ACCSL: variants seen among roughly 807,000 people sequenced by gnomAD.
ACCSL encodes probable inactive 1-aminocyclopropane-1-carboxylate synthase-like protein 2.
In ACCSL, 55 loss-of-function variants were observed where a neutral mutation model predicts 61.7. The observed-to-expected ratio is 0.89, with a 90% CI of 0.72 to 1.12. The LOEUF is 1.12. Among genes scored for constraint, ACCSL ranks in the 50% most tolerant of loss-of-function variants. The pLI is 0.00. For missense variants in ACCSL, 632 were observed against 698.0 expected, an observed-to-expected ratio of 0.91 and a Z score of 1.07; for synonymous variants, 258 against 264.3, an observed-to-expected ratio of 0.98 and a Z score of 0.23.
the ACCSL span, among the ~76,000 whole-genome samples, chr11:43,923,958 T>G: frequency 6.6e-6 from 1 of 152,164 alleles, no homozygotes; most frequent in East Asian, 1.9e-4. Flanking sequence ...GATGTCACGC[T>G]CTCTCAGCAC....
In ACCSL at chr11:44,048,086, G is replaced by A. The variant is rs766885931; in HGVS notation, c.50G>A (p.Gly17Asp). The change falls in exon 1 of 14, where the codon GGC (glycine) becomes GAC (aspartate). Residue 17 changes from glycine (G) to aspartate (D), a missense_variant. By Grantham distance (94) the Gly-to-Asp change is moderately conservative (BLOSUM62 -1). Coordinates refer to ENST00000378832, the MANE Select transcript of ACCSL (RefSeq NM_001031854.2). ...CCTGTGCCCTCTGGTCAGAGGAGAGGCCGGGTCCCCAGAGACCACAGCATC... is the reference window on the plus strand; with the variant it reads ...CCTGTGCCCTCTGGTCAGAGGAGAGACCGGGTCCCCAGAGACCACAGCATC... ...TLPVPSGQRR[G>D]RVPRDHSIYT... The A allele has an allele frequency of 1.2e-6, 2 of 1,614,034 alleles. No homozygotes were observed. The highest frequency in any genetic ancestry group is 1.7e-6 in the Non-Finnish European group (2 of 1,180,014).
At chr11:44,057,266 G>A (rs2134776573) in intron 11 of ACCSL, among the ~76,000 whole-genome samples, 1 of 152,320 alleles carries the variant, frequency 6.6e-6, no homozygotes, top group Middle Eastern at 3.4e-3. Flanking sequence ...ATACCAAGCT[G>A]AAAGTTTTAA....
At chr11:43,994,501 G>C in the ACCSL span, among the ~76,000 whole-genome samples, 1 of 151,672 alleles carries the variant, frequency 6.6e-6, no homozygotes, top group Non-Finnish European at 1.5e-5. Context: ...ATTTTAGTTA[G>C]AGCATTGTGT....
At position 44,059,970 on chromosome 11, in the gene ACCSL, C is replaced by T; in HGVS notation, c.*50C>T. On this transcript the variant is annotated 3_prime_UTR_variant, in exon 14 of 14. Coordinates refer to ENST00000378832, the MANE Select transcript of ACCSL (RefSeq NM_001031854.2). Reference sequence around the variant, plus strand: ...TCCAGCCCATCACTTGCTCAGGGACCCCCTAATGTCAGCCTCTGGCCCAGA... The same window carrying T: ...TCCAGCCCATCACTTGCTCAGGGACTCCCTAATGTCAGCCTCTGGCCCAGA... The T allele has an allele frequency of 6.4e-7, 1 of 1,552,662 alleles. No homozygotes were observed. Among genetic ancestry groups the T allele is most frequent in the Non-Finnish European group, 8.9e-7 (1 of 1,127,116 alleles).
intron 3 of ACCSL, among the ~76,000 whole-genome samples, chr11:44,051,003 A>T (rs1334745116): frequency 6.6e-6 from 1 of 151,730 alleles, no homozygotes; most frequent in Non-Finnish European, 1.5e-5. Context: ...CACCACGCCC[A>T]GCTAATTTTT....
chr11:44,019,396 G>A, the ACCSL span, among the ~76,000 whole-genome samples: 2 of 152,332 alleles, frequency 1.3e-5, no homozygotes, highest in South Asian at 2.1e-4. Flanking sequence ...CCAACCAGCA[G>A]CGTATGAAGG....
rs773288959 is a variant in ACCSL, at chr11:44,052,772, C to T, written c.870+13C>T. 2.5e-6 allele frequency: 4 copies of T among 1,609,152 alleles called. No homozygotes were observed. In the African/African-American group the frequency reaches 4.0e-5, roughly 16 times the overall value. ...CCTGGAGAGTGAGGTCTGAATGGGG[C>T]CCCTTCCCTGCTCAGTATGCCTAGA... On this transcript the variant is annotated intron_variant, in intron 6 of 13. Transcript: ENST00000378832.
chr11:44,033,943 C>T, the ACCSL span, among the ~76,000 whole-genome samples: 34,288 of 151,260 alleles, frequency 0.23, 4,120 homozygotes, highest in East Asian at 0.39. Flanking sequence ...GATGCAGGAG[C>T]CCGAGAAAGA....
chr11:43,969,914 C>T, the ACCSL span, among the ~76,000 whole-genome samples: 3 of 152,138 alleles, frequency 2.0e-5, no homozygotes, highest in Admixed American at 6.5e-5. Flanking sequence ...TCCATCAGAT[C>T]TCTCTCCCCT....
the ACCSL span, among the ~76,000 whole-genome samples, chr11:43,983,025 CAG>C: frequency 6.6e-6 from 1 of 152,166 alleles, no homozygotes; most frequent in South Asian, 2.1e-4. Flanking sequence ...GGGTGCAAGA[CAG>C]AGGAGGGGCA....
At chr11:43,928,525 C>G in the ACCSL span, among the ~76,000 whole-genome samples, 1 of 152,214 alleles carries the variant, frequency 6.6e-6, no homozygotes, top group African/African-American at 2.4e-5. Flanking sequence ...AGGAAACAGT[C>G]TGTGCTGCAG....
the ACCSL span, chr11:43,943,215 T>G: frequency 6.6e-7 from 1 of 1,524,590 alleles, no homozygotes. This position sits in a 1 kb window ranked among gnomAD's most constrained non-coding sequence, Gnocchi z 4.8. Context: ...CGGGAGCAGC[T>G]CAGCAGCTGC....
At chr11:43,967,223 G>A in the ACCSL span, among the ~76,000 whole-genome samples, 5 of 122,016 alleles carry the variant, frequency 4.1e-5, 1 homozygote, top group Non-Finnish European at 7.9e-5. Flanking sequence ...TGTCGCCCAG[G>A]CTGGAGTGCA....
the ACCSL span, among the ~76,000 whole-genome samples, chr11:43,923,930 C>T: frequency 5.0e-3 from 758 of 152,328 alleles, 5 homozygotes; most frequent in African/African-American, 0.017. Context: ...TGCCATCACT[C>T]CCCCTCATAG....
the ACCSL span, among the ~76,000 whole-genome samples, chr11:43,954,945 G>A: frequency 2.6e-5 from 4 of 152,170 alleles, no homozygotes; most frequent in Admixed American, 2.6e-4. Flanking sequence ...CCAGCTGCCG[G>A]CATTCACCTG....
At chr11:43,937,326 G>A in the ACCSL span, among the ~76,000 whole-genome samples, 873 of 152,114 alleles carry the variant, frequency 5.7e-3, 5 homozygotes, top group Non-Finnish European at 8.5e-3. Flanking sequence ...TGCCATGAAA[G>A]AAAGGGGGAC....
At chr11:43,992,337 G>A in the ACCSL span, among the ~76,000 whole-genome samples, 9 of 152,092 alleles carry the variant, frequency 5.9e-5, no homozygotes, top group African/African-American at 1.7e-4. Context: ...GTGAGCCACC[G>A]CGCCCGGCCC....
the ACCSL span, among the ~76,000 whole-genome samples, chr11:43,971,685 A>G: frequency 2.0e-5 from 3 of 152,234 alleles, no homozygotes; most frequent in African/African-American, 7.2e-5. Context: ...AGGATGTCAC[A>G]CAGATGATGG....
the ACCSL span, among the ~76,000 whole-genome samples, chr11:43,942,035 CGTGTGTGTGTGTGT>C: frequency 1.8e-4 from 16 of 89,700 alleles, no homozygotes; most frequent in South Asian, 1.3e-3. Context: ...TGCATTCGTG[CGTGTGTGTGTGTGT>C]GTGTGTGTGT....
Sources: gnomAD v4.1 joint callset for allele counts (sites outside exome capture counted in the v4.1 genomes callset) on GRCh38, gnomAD v4.1.1 for gene constraint, Gnocchi (gnomAD v3.1) non-coding constraint, MANE v1.5 for transcripts, NCBI Gene and HGNC (gene_info 2026-07-23, HGNC 2026-07-21) for gene names.